KIAA0930: variants seen among roughly 807,000 people sequenced by gnomAD.
KIAA0930 encodes the protein uncharacterized protein KIAA0930.
A neutral mutation model predicts 43.9 loss-of-function variants in KIAA0930; 24 were observed. The ratio of observed to expected loss-of-function variants is 0.55; its 90% CI spans 0.40 to 0.77. The LOEUF is 0.77. KIAA0930 is among the 30% of genes least tolerant of loss of function. The pLI, the probability that KIAA0930 is intolerant of heterozygous loss-of-function variation, is 0.00. For missense variants in KIAA0930, 461 were observed against 574.2 expected (o/e 0.80, Z 2.02); for synonymous variants, 259 against 216.4 (o/e 1.20, Z -1.73).
chr22:45,207,931 G>C (rs1045199133), intron 2 of KIAA0930, among the ~76,000 whole-genome samples: 1 of 152,204 alleles, frequency 6.6e-6, no homozygotes, highest in African/African-American at 2.4e-5. Context: ...GTTCCTCCTG[G>C]TCTCGCTTCA....
intron 1 of KIAA0930, chr22:45,212,621 A>G (rs1477764988): frequency 3.1e-5 from 39 of 1,275,784 alleles, no homozygotes; most frequent in Non-Finnish European, 3.7e-5. Context: ...CGGGAACCGC[A>G]GGGAGACAGC....
rs1053379904 is a variant in KIAA0930, at chr22:45,204,001, A to G, written c.517-16T>C. On this transcript the variant is annotated splice_polypyrimidine_tract_variant and intron_variant, in intron 5 of 9. Transcript: ENST00000336156. ...CGCTGAACACCTGGGCCAGGACACA[A>G]AGAGACAGGGACGTGACCATCAGCT... 6.2e-7 allele frequency: 1 copy of G among 1,613,528 alleles called. No individual in the cohort carries two copies. Among genetic ancestry groups the G allele is most frequent in the Non-Finnish European group, 8.5e-7 (1 of 1,179,696 alleles).
At position 45,205,661 on chromosome 22, in the gene KIAA0930, C is replaced by G. The variant is rs1028411469; in HGVS notation, c.383G>C (p.Gly128Ala). 1 of 1,614,090 alleles carries G rather than the reference C, an allele frequency of 6.2e-7. No individual in the cohort carries two copies. The highest frequency in any genetic ancestry group is 1.7e-5 in the Admixed American group (1 of 60,016). The change falls in exon 4 of 10, where the codon GGG becomes GCG. Residue 128 changes from glycine (G) to alanine (A), a missense_variant. Physicochemically the swap from Gly to Ala is moderately conservative, Grantham distance 60. Coordinates refer to ENST00000336156, the MANE Select transcript of KIAA0930 (RefSeq NM_001009880.2). The stretch of plus-strand genomic sequence containing the variant: ...TTTCTTCTTATGGATGTGAATGTCC[C>G]CGCCGTCAGCACGTGTGCACACCGC... ...TCAVCTRADG[G>A]DIHIHKKKSQ...
In KIAA0930 at chr22:45,210,653, G is replaced by C. The variant is rs528814639; in HGVS notation, c.216+1303C>G. The stretch of plus-strand genomic sequence containing the variant: ...TGTACACCCAGACAGGGCGGGCGTG[G>C]CAGCAGGTTCTGAGGAGCCCTGAGC... On this transcript the variant is annotated intron_variant, in intron 2 of 9. Coordinates refer to ENST00000336156, the MANE Select transcript of KIAA0930 (RefSeq NM_001009880.2). 1.6e-3 allele frequency among the ~76,000 whole-genome samples: 245 copies of C among 150,904 alleles called. 2 individuals are homozygous for C. The highest frequency in any genetic ancestry group is 5.8e-3 in the African/African-American group (238 of 41,008).
intron 1 of KIAA0930, among the ~76,000 whole-genome samples, chr22:45,215,451 G>C (rs113026143): frequency 6.6e-6 from 1 of 152,050 alleles, no homozygotes; most frequent in African/African-American, 2.4e-5. Flanking sequence ...AAAATTAAAG[G>C]CCTTCTGCAC....
At chr22:45,209,749 G>A (rs73434152) in intron 2 of KIAA0930, among the ~76,000 whole-genome samples, 5,100 of 152,224 alleles carry the variant, frequency 0.034, 299 homozygotes, top group African/African-American at 0.12. Flanking sequence ...AGTGTGGGGG[G>A]GCATCTGCAC....
intron 1 of KIAA0930, among the ~76,000 whole-genome samples, chr22:45,216,897 A>G (rs568751360): frequency 1.3e-5 from 2 of 152,186 alleles, no homozygotes; most frequent in South Asian, 2.1e-4. Context: ...CCGGGGTCCT[A>G]TGAAGCCAGA....
At chr22:45,228,782 A>T (rs867446717) in intron 1 of KIAA0930, among the ~76,000 whole-genome samples, 202 of 19,306 alleles carry the variant, frequency 0.01, 5 homozygotes, top group East Asian at 0.067. Flanking sequence ...CATCCCCCCC[A>T]ACCACCAAAC....
rs116759769 is a variant in KIAA0930, at chr22:45,204,585, C to T, written c.517-600G>A. Among the ~76,000 whole-genome samples the T allele has an allele frequency of 7.1e-3, 1,087 of 152,298 alleles. 10 individuals are homozygous for T. Among genetic ancestry groups the T allele is most frequent in the African/African-American group, 0.025 (1,028 of 41,552 alleles). On this transcript the variant is annotated intron_variant, in intron 5 of 9. Coordinates refer to ENST00000336156, the MANE Select transcript of KIAA0930 (RefSeq NM_001009880.2). ...TGCGATTTTCCTGCAGACGCCCACG[C>T]CTTCCTCCTAAGTCCTCAGGGCCCT...
chr22:45,205,422 C>A, intron 4 of KIAA0930, 104 bp from the exon 5 acceptor site: 1 of 1,056,118 alleles, frequency 9.5e-7, no homozygotes, highest in South Asian at 1.4e-5. Flanking sequence ...AGAGCCAGTC[C>A]AAAGCCAGAG....
intron 1 of KIAA0930, among the ~76,000 whole-genome samples, chr22:45,227,975 C>T (rs555533413): frequency 6.6e-6 from 1 of 152,326 alleles, no homozygotes; most frequent in African/African-American, 2.4e-5. Context: ...CCCCTACACC[C>T]CTGGTAGGCA....
In KIAA0930 at chr22:45,231,934, T is replaced by C. The variant is rs182735889; in HGVS notation, c.64+8706A>G. Among the ~76,000 whole-genome samples the C allele has an allele frequency of 1.8e-3, 273 of 152,254 alleles. 3 individuals carry two copies. Among genetic ancestry groups the C allele is most frequent in the Non-Finnish European group, 3.0e-3 (204 of 68,002 alleles). On this transcript the variant is annotated intron_variant, in intron 1 of 9. Coordinates refer to ENST00000336156, the MANE Select transcript of KIAA0930 (RefSeq NM_001009880.2). ...TGAACCTGGGAGGCGGAGCTTGCAG[T>C]GAGCCGAGATCGCGCCACTGCACTA...
At chr22:45,234,608 G>A (rs1451677750) in intron 1 of KIAA0930, among the ~76,000 whole-genome samples, 10 of 152,208 alleles carry the variant, frequency 6.6e-5, no homozygotes, top group Non-Finnish European at 1.5e-5. Context: ...TCCAAGAAAT[G>A]GCCTCCCAGG....
At chr22:45,240,541 G>C in intron 1 of KIAA0930, 99 bp downstream of exon 1, 1 of 810,908 alleles carries the variant, frequency 1.2e-6, no homozygotes, top group Non-Finnish European at 1.9e-6. Context: ...CCCGCGCAGA[G>C]ACAGAGATGC....
intron 7 of KIAA0930, 29 bp downstream of exon 7, chr22:45,202,961 G>A (rs745551149): frequency 2.4e-5 from 37 of 1,551,354 alleles, no homozygotes; most frequent in Non-Finnish European, 3.1e-5. Context: ...ACGGATGGGA[G>A]CCCCCGCCCC....
At position 45,196,811 on chromosome 22, in the gene KIAA0930, G is replaced by A. The variant is rs1442823100; in HGVS notation, c.*365C>T. 2.5e-5 allele frequency: 6 copies of A among 244,580 alleles called. No individual in the cohort carries two copies. Among genetic ancestry groups the A allele is most frequent in the Non-Finnish European group, 3.9e-5 (5 of 127,256 alleles). 15.2% of individuals were successfully genotyped at this position (244,580 alleles called of 1,614,324 possible). On this transcript the variant is annotated 3_prime_UTR_variant, in exon 10 of 10. Transcript: ENST00000336156. This position sits in a 1 kb window ranked among gnomAD's most constrained non-coding sequence, Gnocchi z 4.1. ...GCTGGGTGGTTCCGCCTGCTGCTGG[G>A]GGGACGTGAACATAGACCCGCCGCT... is the stretch of plus-strand genomic sequence containing the variant.
rs2083625450 is a variant in KIAA0930 at position 45,205,212 on chromosome 22, C to T, written c.516+5G>A. ...CTAAGGAGAGAGGCCCTGTGCAGAG[C>T]TCACCTCCTCGAAGCTGTCAATCAT... On this transcript the variant is annotated splice_donor_5th_base_variant and intron_variant, in intron 5 of 9. Transcript: ENST00000336156. 1 of 1,610,258 alleles carries T rather than the reference C, an allele frequency of 6.2e-7. No individual in the cohort carries two copies. The highest frequency in any genetic ancestry group is 1.7e-5 in the Admixed American group (1 of 60,014).
intron 1 of KIAA0930, chr22:45,236,307 A>T (rs1002077912): frequency 6.6e-6 from 1 of 152,426 alleles, no homozygotes. Context: ...CCGCCCCACA[A>T]ATCACACCTG....
chr22:45,213,687 C>A (rs774965325), intron 1 of KIAA0930, among the ~76,000 whole-genome samples: 1 of 152,222 alleles, frequency 6.6e-6, no homozygotes, highest in East Asian at 1.9e-4. Context: ...TAGAGCCCAA[C>A]GGAATAACAG....
Sources: allele counts gnomAD v4.1 joint callset (sites outside exome capture counted in the v4.1 genomes callset), GRCh38; gene constraint gnomAD v4.1.1; non-coding constraint Gnocchi (gnomAD v3.1); transcripts MANE v1.5; gene names NCBI Gene and HGNC (gene_info 2026-07-23, HGNC 2026-07-21).